Variants in LBR observed in about 807,000 individuals in gnomAD.
The protein encoded by LBR is delta(14)-sterol reductase LBR.
LBR carries 28 observed loss-of-function variants against 74.3 expected under a neutral mutation model. The observed-to-expected ratio is 0.38, with a 90% CI of 0.28 to 0.52. The LOEUF (loss-of-function observed/expected upper bound fraction) is 0.52. Among genes scored for constraint, LBR ranks in the 20% least tolerant of loss-of-function variants. LBR has a pLI of 0.89. For missense variants in LBR, 717 were observed against 760.3 expected (o/e 0.94, Z 0.67); for synonymous variants, 228 against 269.3 (o/e 0.85, Z 1.50).
In LBR at chr1:225,422,247, C is replaced by T. The variant is rs776841930; in HGVS notation, c.196G>A (p.Gly66Ser). Residue 66 changes from glycine (G) to serine (S), a missense_variant, in exon 3 of 14, where the codon GGC (glycine) becomes AGC (serine). By Grantham distance (56) the Gly-to-Ser change is moderately conservative. Coordinates refer to ENST00000272163, the MANE Select transcript of LBR (RefSeq NM_002296.4). ...PLTSFRQRKGGSTSSSPSRRR... is the reference protein window; with the variant it reads ...PLTSFRQRKGSSTSSSPSRRR... ...CTGGAAGGGGAACTGGAAGTTGAGCCACCTTTCCTTTGCCTAAAGGAAGTT... is the reference window on the plus strand; with the variant it reads ...CTGGAAGGGGAACTGGAAGTTGAGCTACCTTTCCTTTGCCTAAAGGAAGTT... 2 of 1,613,712 alleles carry T rather than the reference C, an allele frequency of 1.2e-6. No homozygotes were observed. Among genetic ancestry groups the T allele is most frequent in the East Asian group, 2.2e-5 (1 of 44,878 alleles).
chr1:225,421,512 T>C (rs1411809749), intron 3 of LBR, among the ~76,000 whole-genome samples: 1 of 152,232 alleles, frequency 6.6e-6, no homozygotes, highest in East Asian at 1.9e-4. Context: ...GTGCCTTCTA[T>C]CCAGAAAAGA....
chr1:225,422,890 A>G (rs2096130658), intron 2 of LBR, among the ~76,000 whole-genome samples: 1 of 152,224 alleles, frequency 6.6e-6, no homozygotes, highest in East Asian at 1.9e-4. Context: ...AAAGAACAGT[A>G]TTTCCTGAAG....
chr1:225,417,871 G>A (rs778838024), intron 6 of LBR, 113 bp downstream of exon 6: 72 of 926,840 alleles, frequency 7.8e-5, no homozygotes, highest in Non-Finnish European at 9.8e-5. Flanking sequence ...TGGTCCCAGC[G>A]ACTCAGGAGG....
chr1:225,412,106 G>A (rs145396741), intron 8 of LBR, among the ~76,000 whole-genome samples: 1,867 of 152,246 alleles, frequency 0.012, 26 homozygotes, highest in South Asian at 0.017. Context: ...CACCTCACCC[G>A]GCCAGTAACC....
chr1:225,406,562 G>T, intron 11 of LBR, 102 bp downstream of exon 11: 1 of 1,028,646 alleles, frequency 9.7e-7, no homozygotes, highest in Non-Finnish European at 1.5e-6. Context: ...AGCTAATGCT[G>T]GCCATTCAAA....
chr1:225,417,902 G>T, intron 6 of LBR, 82 bp downstream of exon 6: 1 of 1,285,058 alleles, frequency 7.8e-7, no homozygotes, highest in Non-Finnish European at 1.1e-6. Context: ...AGGATCACTT[G>T]ATCCCAGAAA....
intron 9 of LBR, 73 bp downstream of exon 9, chr1:225,411,264 T>C (rs1287703987): frequency 1.9e-6 from 2 of 1,047,536 alleles, no homozygotes; most frequent in East Asian, 2.4e-5. Flanking sequence ...TATTTTTGAA[T>C]GGTCTACATT....
chr1:225,413,876 G>C (rs920787579), intron 7 of LBR: 1 of 443,358 alleles, frequency 2.3e-6, no homozygotes, highest in Admixed American at 2.4e-5. Flanking sequence ...AGAGCTCCAT[G>C]TCCAAGTGCT....
In LBR at chr1:225,427,969, G is replaced by T. The variant is rs894372603; in HGVS notation, c.-30C>A. ...AAGCACTCACCTGCGCCAGGTTCCGGCGGTGACACGGACGGCTCCCGGAGA... is the reference window on the plus strand; with the variant it reads ...AAGCACTCACCTGCGCCAGGTTCCGTCGGTGACACGGACGGCTCCCGGAGA... On this transcript the variant is annotated 5_prime_UTR_variant, in exon 1 of 14. Transcript: ENST00000272163. 1 of 152,188 alleles carries T rather than the reference G, an allele frequency of 6.6e-6. No homozygotes were observed. The highest frequency in any genetic ancestry group is 1.5e-5 in the Non-Finnish European group (1 of 68,070). The allele number at this position is 152,188 out of a possible 1,614,324, so 9.4% of individuals were successfully genotyped here. A position where few individuals can be genotyped will look rare whatever the true frequency, so the allele number is the denominator to read the frequency against.
intron 7 of LBR, 57 bp downstream of exon 7, chr1:225,415,221 C>T: frequency 8.8e-7 from 1 of 1,138,066 alleles, no homozygotes; most frequent in Non-Finnish European, 1.3e-6. Flanking sequence ...AAGAGTTTAA[C>T]ACTTAGAAGT....
intron 7 of LBR, among the ~76,000 whole-genome samples, chr1:225,413,109 T>C (rs1048673351): frequency 3.3e-5 from 5 of 152,256 alleles, no homozygotes; most frequent in Admixed American, 1.3e-4. Flanking sequence ...TAAATATTTA[T>C]ACTTAACCAA....
chr1:225,419,911 C>T, intron 3 of LBR, 113 bp from the exon 4 acceptor site: 1 of 784,578 alleles, frequency 1.3e-6, no homozygotes, highest in Non-Finnish European at 2.2e-6. Context: ...TTTTTCACAG[C>T]CTTAATTCTG....
At chr1:225,404,766 C>T (rs1214884377) in intron 11 of LBR, 60 bp from the exon 12 acceptor site, 2 of 1,169,848 alleles carry the variant, frequency 1.7e-6, no homozygotes, top group East Asian at 2.4e-5. Flanking sequence ...TGCTTAATAG[C>T]ATCTGTAATT....
At chr1:225,410,562 AC>A in intron 9 of LBR, 146 bp from the exon 10 acceptor site, 2 of 790,952 alleles carry the variant, frequency 2.5e-6, no homozygotes, top group Non-Finnish European at 2.1e-6. Context: ...ACATCTCAGC[AC>A]CATGGGCCCC....
intron 7 of LBR, among the ~76,000 whole-genome samples, chr1:225,413,008 T>A (rs1331731487): frequency 6.6e-6 from 1 of 152,162 alleles, no homozygotes; most frequent in African/African-American, 2.4e-5. Context: ...GCCAAACACA[T>A]ATTTTAAAGT....
At chr1:225,405,288 C>T (rs142331629) in intron 11 of LBR, among the ~76,000 whole-genome samples, 325 of 152,336 alleles carry the variant, frequency 2.1e-3, no homozygotes, top group Non-Finnish European at 3.6e-3. Context: ...CTATCACTGA[C>T]ATTTAACTAT....
chr1:225,419,815 A>G lies in LBR; in HGVS notation c.367-17T>C. 6.6e-7 allele frequency: 1 copy of G among 1,524,776 alleles called. No homozygotes were observed. The highest frequency in any genetic ancestry group is 9.1e-7 in the Non-Finnish European group (1 of 1,099,634). The allele number at this position is 1,524,776 out of a possible 1,614,324, so 94.5% of individuals were successfully genotyped here. On this transcript the variant is annotated splice_polypyrimidine_tract_variant and intron_variant, in intron 3 of 13. Transcript: ENST00000272163. ...AAATGGCTTCTAAATTGAAGAATAT[A>G]AACATTTAATCAAAAGAACTGTAAC...
At chr1:225,410,090 G>C (rs755570950) in intron 10 of LBR, among the ~76,000 whole-genome samples, 1 of 152,170 alleles carries the variant, frequency 6.6e-6, no homozygotes, top group Non-Finnish European at 1.5e-5. Flanking sequence ...AAACACTGAA[G>C]CACTCCCAAA....
intron 2 of LBR, among the ~76,000 whole-genome samples, chr1:225,423,257 T>A (rs2096131430): frequency 6.6e-6 from 1 of 152,226 alleles, no homozygotes; most frequent in Admixed American, 6.5e-5. Flanking sequence ...TATATAAATG[T>A]TTGTATACTA....
Sources: allele counts gnomAD v4.1 joint callset (sites outside exome capture counted in the v4.1 genomes callset), GRCh38; gene constraint gnomAD v4.1.1; transcripts MANE v1.5; gene names NCBI Gene and HGNC (gene_info 2026-07-23, HGNC 2026-07-21).